The following SEC16A variants were observed in gnomAD, a reference collection of about 807,000 sequenced individuals.
The protein encoded by SEC16A is protein transport protein Sec16A.
SEC16A carries 110 observed loss-of-function variants against 221.9 expected under a neutral mutation model. That is an observed-to-expected ratio of 0.50 (90% CI 0.42 to 0.58). SEC16A has a LOEUF of 0.58. SEC16A is among the 20% of genes least tolerant of loss of function. SEC16A has a pLI of 0.00. For synonymous variants in SEC16A, 1,393 were observed against 1,257.7 expected, an observed-to-expected ratio of 1.11 and a Z score of -2.28; for missense variants, 3,165 against 3,097.8, an observed-to-expected ratio of 1.02 and a Z score of -0.52.
Position 136,459,559 on chromosome 9 carries a change from C to T in SEC16A, c.5192-4G>A, listed in dbSNP as rs756268804. The T allele has an allele frequency of 2.8e-5, 44 of 1,584,294 alleles. No individual in the cohort carries two copies. Among genetic ancestry groups the T allele is most frequent in the Admixed American group, 7.2e-5 (4 of 55,358 alleles). The stretch of plus-strand genomic sequence containing the variant: ...GCATCCAAGAGGCCCCTTGAAGCTG[C>T]GGAGAGACGACACGACACACGGCGG... On this transcript the variant is annotated splice_polypyrimidine_tract_variant and splice_region_variant and intron_variant, in intron 15 of 31. Coordinates refer to ENST00000684901, the MANE Select transcript of SEC16A (RefSeq NM_014866.2). This position sits in a 1 kb window ranked among gnomAD's most constrained non-coding sequence, Gnocchi z 6.1.
chr9:136,472,050 G>T lies in SEC16A; in HGVS notation c.3629C>A (p.Ala1210Asp), dbSNP rs866271685. 6.2e-7 allele frequency: 1 copy of T among 1,613,390 alleles called. No homozygotes were observed. Among genetic ancestry groups the T allele is most frequent in the African/African-American group, 1.3e-5 (1 of 75,058 alleles). Residue 1210 changes from alanine to aspartate, a missense_variant, in exon 4 of 32, where the codon GCC becomes GAC. Around this residue, in one of 3 missense-constraint regions of SEC16A, gnomAD observed 2,030 missense variants for 1,923.1 expected, o/e 1.06. Coordinates refer to ENST00000684901, the MANE Select transcript of SEC16A (RefSeq NM_014866.2). ...GGGCTCGGGATAGCGGTAGTTCTGG[G>T]CGTAAGCAGACGCAGCACCATCATA... ...RPYDGAASAY[A>D]QNYRYPEPER... is the part of the protein sequence containing the mutation.
intron 1 of SEC16A, among the ~76,000 whole-genome samples, chr9:136,480,055 G>A (rs1036192147): frequency 4.0e-5 from 6 of 151,818 alleles, no homozygotes; most frequent in African/African-American, 1.2e-4. Flanking sequence ...CTATTTACTA[G>A]GAACAGCAGC....
Position 136,466,016 on chromosome 9 carries a change from C to T in SEC16A, c.4249G>A (p.Gly1417Ser), listed in dbSNP as rs369869654. The change falls in exon 8 of 32, where the codon GGC (glycine) becomes AGC (serine). Residue 1417 changes from glycine to serine, a missense_variant. Around this residue, in one of 3 missense-constraint regions of SEC16A, gnomAD observed 2,030 missense variants for 1,923.1 expected, o/e 1.06. Transcript: ENST00000684901. The surrounding 1 kb of genome is among the most constrained non-coding windows in gnomAD (Gnocchi z 5.5). ...TYRSNFSSGP[G>S]FPEYGYPADT... Reference sequence around the variant, plus strand: ...GCAGGGTAGCCATACTCTGGGAAGCCGGGGCCACTGCTGAAATTGCTGCGG... The same window carrying T: ...GCAGGGTAGCCATACTCTGGGAAGCTGGGGCCACTGCTGAAATTGCTGCGG... 19 of 1,613,592 alleles carry T rather than the reference C, an allele frequency of 1.2e-5. No individual in the cohort carries two copies. Among genetic ancestry groups the T allele is most frequent in the Middle Eastern group, 3.3e-4 (2 of 6,078 alleles).
rs1446654683 is a variant in SEC16A at position 136,466,328 on chromosome 9, C to T, written c.4064G>A (p.Arg1355Gln). The stretch of plus-strand genomic sequence containing the variant: ...CAGGCTGTGTGCGCTGTGCAGGCTC[C>T]GTGCCGAGTGCTCGCTGTGGACGCT... ...RRSVHSEHSA[R>Q]SLHSAHSLAS... Residue 1355 changes from arginine to glutamine, a missense_variant, in exon 7 of 32, where the codon CGG (arginine) becomes CAG (glutamine). By Grantham distance (43) the Arg-to-Gln change is conservative. This residue lies in a region of SEC16A where 2,030 missense variants were observed against 1,923.1 expected (regional missense o/e 1.06). Transcript: ENST00000684901. This position sits in a 1 kb window ranked among gnomAD's most constrained non-coding sequence, Gnocchi z 5.5. 8 of 1,571,580 alleles carry T rather than the reference C, an allele frequency of 5.1e-6. No homozygotes were observed. The highest frequency in any genetic ancestry group is 4.6e-5 in the South Asian group (4 of 86,964).
intron 1 of SEC16A, among the ~76,000 whole-genome samples, chr9:136,481,498 G>A (rs1375723830): frequency 6.6e-6 from 1 of 152,222 alleles, no homozygotes; most frequent in Non-Finnish European, 1.5e-5. Flanking sequence ...AAAGAGGCCA[G>A]CTGATCTTGA....
rs1233669273 is a variant in SEC16A, at chr9:136,476,358, C to A, written c.1258G>T (p.Ala420Ser). 2.5e-6 allele frequency: 4 copies of A among 1,612,792 alleles called. No homozygotes were observed. The highest frequency in any genetic ancestry group is 1.7e-5 in the Admixed American group (1 of 60,028). The change falls in exon 3 of 32, where the codon GCA becomes TCA. Residue 420 changes from alanine (A) to serine (S), a missense_variant. This residue lies in a region of SEC16A where 2,030 missense variants were observed against 1,923.1 expected (regional missense o/e 1.06). Transcript: ENST00000684901. Reference protein sequence around the residue: ...GRPPAPTHVGAGSLCQALLPG... With the variant: ...GRPPAPTHVGSGSLCQALLPG... ...AGAAGGGCCTGGCAGAGGCTGCCTG[C>A]CCCCACGTGTGTAGGTGCGGGCGGA...
Position 136,467,056 on chromosome 9 carries a change from T to C in SEC16A, c.3830A>G (p.Tyr1277Cys), listed in dbSNP as rs1840256305. ...GDPGHWDRYHYSARVRDPRTY... is the reference protein window; with the variant it reads ...GDPGHWDRYHCSARVRDPRTY... ...GCGGGGGTCCCTGACTCTAGCACTG[T>C]AGTGGTAACGATCCCAGTGACCTGG... The change falls in exon 6 of 32, where the codon TAC (tyrosine) becomes TGC (cysteine). Residue 1277 changes from tyrosine to cysteine, a missense_variant. Coordinates refer to ENST00000684901, the MANE Select transcript of SEC16A (RefSeq NM_014866.2). 1.9e-6 allele frequency: 3 copies of C among 1,613,722 alleles called. No homozygotes were observed. In the African/African-American group the frequency reaches 4.0e-5, roughly 22 times the overall value.
In SEC16A at chr9:136,474,037, C is replaced by T; in HGVS notation, c.3567+12G>A. Reference sequence around the variant, plus strand: ...ACAGAAAAGTGGGTTACACATACGACTCGACTCTTACCTGGTAATAGAGGG... The same window carrying T: ...ACAGAAAAGTGGGTTACACATACGATTCGACTCTTACCTGGTAATAGAGGG... On this transcript the variant is annotated intron_variant, in intron 3 of 31. Coordinates refer to ENST00000684901, the MANE Select transcript of SEC16A (RefSeq NM_014866.2). 6.3e-7 allele frequency: 1 copy of T among 1,586,652 alleles called. No individual in the cohort carries two copies. The highest frequency in any genetic ancestry group is 1.1e-5 in the South Asian group (1 of 87,988).
rs976840314 is a variant in SEC16A at position 136,477,266 on chromosome 9, G to C, written c.350C>G (p.Pro117Arg). ...CEPLPGPLTQ[P>R]RAHASPFSGA... ...AGAAAACGGACTGGCATGTGCTCTG[G>C]GCTGTGTCAGAGGTCCAGGCAGGGG... The change falls in exon 3 of 32, where the codon CCC becomes CGC. Residue 117 changes from proline to arginine, a missense_variant. Pro to Arg is a moderately radical substitution (Grantham distance 103). Transcript: ENST00000684901. 2 of 1,613,814 alleles carry C rather than the reference G, an allele frequency of 1.2e-6. No individual in the cohort carries two copies. The highest frequency in any genetic ancestry group is 2.7e-5 in the African/African-American group (2 of 74,896).
chr9:136,475,699 A>G lies in SEC16A; in HGVS notation c.1917T>C (p.Cys639=). Residue 639 remains cysteine (C), a synonymous_variant, in exon 3 of 32, where the codon TGT becomes TGC. Transcript: ENST00000684901. The surrounding 1 kb of genome is among the most constrained non-coding windows in gnomAD (Gnocchi z 5.0). ...CTGGTCTGCACTGCTTCTGGCGGACACAGGTCTCCCTTACTTCACCAACCA... is the reference window on the plus strand; with the variant it reads ...CTGGTCTGCACTGCTTCTGGCGGACGCAGGTCTCCCTTACTTCACCAACCA... The part of the protein sequence containing the change: ...ANVVGEVRET[C]VRQKQCRPAA... 1 of 1,613,566 alleles carries G rather than the reference A, an allele frequency of 6.2e-7. No individual in the cohort carries two copies. The highest frequency in any genetic ancestry group is 8.5e-7 in the Non-Finnish European group (1 of 1,179,740).
chr9:136,476,563 C>T lies in SEC16A; in HGVS notation c.1053G>A (p.Leu351=), dbSNP rs1841667554. Residue 351 remains leucine, a synonymous_variant, in exon 3 of 32, where the codon CTG becomes CTA. Coordinates refer to ENST00000684901, the MANE Select transcript of SEC16A (RefSeq NM_014866.2). ...CACAGCCAGACCCGGCCCCAGCCCC[C>T]AGTGGGTGGTGCGTACGGTTTTCTG... is the stretch of plus-strand genomic sequence containing the variant. ...DSPENRTHHP[L]GAGAGSGCAP... is the part of the protein sequence containing the mutation. 1 of 1,610,422 alleles carries T rather than the reference C, an allele frequency of 6.2e-7. No homozygotes were observed. Among genetic ancestry groups the T allele is most frequent in the Non-Finnish European group, 8.5e-7 (1 of 1,177,636 alleles).
Position 136,477,665 on chromosome 9 carries a change from T to G in SEC16A, c.-50A>C, listed in dbSNP as rs748158618. 6.6e-7 allele frequency: 1 copy of G among 1,507,180 alleles called. No individual in the cohort carries two copies. Among genetic ancestry groups the G allele is most frequent in the Non-Finnish European group, 8.8e-7 (1 of 1,132,180 alleles). 93.4% of individuals were successfully genotyped at this position (1,507,180 alleles called of 1,614,324 possible). A position where few individuals can be genotyped will look rare whatever the true frequency, so the allele number is the denominator to read the frequency against. ...GCTGCTTACAGAAGGAAGCAGGATA[T>G]AGCTGTTCCTTAATTGGAGCTGGAA... On this transcript the variant is annotated 5_prime_UTR_variant, in exon 3 of 32. Transcript: ENST00000684901.
In SEC16A at chr9:136,453,461, G is replaced by T; in HGVS notation, c.6126C>A (p.Ser2042Arg). The change falls in exon 22 of 32, where the codon AGC (serine) becomes AGA (arginine). Residue 2042 changes from serine (S) to arginine (R), a missense_variant. Around this residue, in one of 3 missense-constraint regions of SEC16A, gnomAD observed 1,088 missense variants for 1,089.6 expected, o/e 1.00. Transcript: ENST00000684901. Reference protein sequence around the residue: ...APVGNSLSELSEENFDGKFAN... With the variant: ...APVGNSLSELREENFDGKFAN... ...CAAATTTTCCATCAAAATTTTCTTC[G>T]CTTAGCTCGGAAAGTGAGTTTCCAA... The T allele has an allele frequency of 6.2e-7, 1 of 1,613,168 alleles. No individual in the cohort carries two copies. The highest frequency in any genetic ancestry group is 8.5e-7 in the Non-Finnish European group (1 of 1,179,250).
chr9:136,455,378 T>G (rs985383614), intron 20 of SEC16A, among the ~76,000 whole-genome samples: 1 of 151,954 alleles, frequency 6.6e-6, no homozygotes, highest in African/African-American at 2.4e-5. Flanking sequence ...TTTATGGACA[T>G]GGAAAGCCAT....
Position 136,475,440 on chromosome 9 carries a change from A to C in SEC16A, c.2176T>G (p.Trp726Gly), listed in dbSNP as rs747954759. The change falls in exon 3 of 32, where the codon TGG (tryptophan) becomes GGG (glycine). Residue 726 changes from tryptophan to glycine, a missense_variant. This residue lies in a region of SEC16A where 2,030 missense variants were observed against 1,923.1 expected (regional missense o/e 1.06). Coordinates refer to ENST00000684901, the MANE Select transcript of SEC16A (RefSeq NM_014866.2). The surrounding 1 kb of genome is among the most constrained non-coding windows in gnomAD (Gnocchi z 5.0). ...AAATCTGGCAGCTCACTTTGCGCCCACAGAGTCGTTGCTGGGCTCTCACAC... is the reference window on the plus strand; with the variant it reads ...AAATCTGGCAGCTCACTTTGCGCCCCCAGAGTCGTTGCTGGGCTCTCACAC... Reference protein sequence around the residue: ...VKCESPATTLWAQSELPDFGG... With the variant: ...VKCESPATTLGAQSELPDFGG... 6.2e-7 allele frequency: 1 copy of C among 1,610,654 alleles called. No individual in the cohort carries two copies. Among genetic ancestry groups the C allele is most frequent in the South Asian group, 1.1e-5 (1 of 90,818 alleles).
At chr9:136,444,541 A>AGT (rs1437859404) in intron 30 of SEC16A, among the ~76,000 whole-genome samples, 2 of 152,204 alleles carry the variant, frequency 1.3e-5, no homozygotes, top group Non-Finnish European at 2.9e-5. Context: ...CTCATTGACT[A>AGT]GGACACCTCA....
chr9:136,476,399 C>T lies in SEC16A; in HGVS notation c.1217G>A (p.Ser406Asn), dbSNP rs1383408670. 4 of 1,612,860 alleles carry T rather than the reference C, an allele frequency of 2.5e-6. No individual in the cohort carries two copies. The East Asian group carries it at 8.9e-5, about 36-fold the overall frequency. The change falls in exon 3 of 32, where the codon AGC becomes AAC. Residue 406 changes from serine (S) to asparagine (N), a missense_variant. Around this residue, in one of 3 missense-constraint regions of SEC16A, gnomAD observed 2,030 missense variants for 1,923.1 expected, o/e 1.06. Coordinates refer to ENST00000684901, the MANE Select transcript of SEC16A (RefSeq NM_014866.2). ...TGCGGGCGGACGGCCTAGCCCAGGGCTGGAGCAGAAATCGTCAAAGTCCGC... is the reference window on the plus strand; with the variant it reads ...TGCGGGCGGACGGCCTAGCCCAGGGTTGGAGCAGAAATCGTCAAAGTCCGC... The part of the protein sequence containing the change: ...GQADFDDFCS[S>N]PGLGRPPAPT...
chr9:136,460,191 G>T, intron 13 of SEC16A, 68 bp from the exon 14 acceptor site: 1 of 1,296,310 alleles, frequency 7.7e-7, no homozygotes. Context: ...GGCCGGACAT[G>T]ATGGCTCACG....
intron 4 of SEC16A, 74 bp from the exon 5 acceptor site, chr9:136,468,586 A>T: frequency 1.0e-6 from 1 of 982,632 alleles, no homozygotes; most frequent in Non-Finnish European, 1.6e-6. Flanking sequence ...AATACAAATC[A>T]TTCCCAAAGC....
Sources: gnomAD v4.1 joint callset for allele counts (sites outside exome capture counted in the v4.1 genomes callset) on GRCh38, gnomAD v4.1.1 for gene constraint, gnomAD v4.1.1 regional missense constraint, Gnocchi (gnomAD v3.1) non-coding constraint, MANE v1.5 for transcripts, NCBI Gene and HGNC (gene_info 2026-07-23, HGNC 2026-07-21) for gene names.